The following DAPK2 variants were observed in gnomAD, a reference collection of about 807,000 sequenced individuals.
The protein encoded by DAPK2 is death associated protein kinase 2.
In DAPK2, 35 loss-of-function variants were observed where a neutral mutation model predicts 44.1. The ratio of observed to expected loss-of-function variants is 0.79; its 90% CI spans 0.61 to 1.05. The LOEUF (loss-of-function observed/expected upper bound fraction) is 1.05, where lower values mean the gene tolerates loss of function less well. Ranked by LOEUF, DAPK2 falls within the 50% of genes least tolerant of loss-of-function variation. DAPK2 has a pLI of 0.00. For synonymous variants in DAPK2, 174 were observed against 182.6 expected (o/e 0.95, Z 0.38); for missense variants, 453 against 483.2 (o/e 0.94, Z 0.59).
chr15:63,957,880 T>C (rs568154988), intron 3 of DAPK2, among the ~76,000 whole-genome samples: 1 of 152,152 alleles, frequency 6.6e-6, no homozygotes, highest in Admixed American at 6.5e-5. Flanking sequence ...CCAGTAATGG[T>C]ATGGCTGGGT....
At chr15:64,010,738 T>C (rs1163833759) in intron 1 of DAPK2, among the ~76,000 whole-genome samples, 1 of 152,210 alleles carries the variant, frequency 6.6e-6, no homozygotes, top group Non-Finnish European at 1.5e-5. Context: ...TTGGGTTTTA[T>C]CCCATTCATG....
At chr15:63,932,158 C>A (rs1185962028) in intron 4 of DAPK2, among the ~76,000 whole-genome samples, 5 of 113,018 alleles carry the variant, frequency 4.4e-5, no homozygotes, top group South Asian at 3.3e-4. Flanking sequence ...CAGAGTGAGA[C>A]CCTGTTTAAA....
intron 1 of DAPK2, chr15:63,991,430 C>G (rs897870977): frequency 9.5e-6 from 4 of 420,316 alleles, no homozygotes; most frequent in African/African-American, 4.1e-5. Context: ...GTTTCATGAG[C>G]CTGTTTCCCC....
rs190574286 is a variant in DAPK2, at chr15:64,033,239, A to G, written c.92+6931T>C. On this transcript the variant is annotated intron_variant, in intron 1 of 10. Coordinates refer to ENST00000261891, the Ensembl canonical transcript of DAPK2. ...TGAACCACTGCACTCCAGCCTGAGT[A>G]ACAGAGAGACCCCTGGGGAGGGGGA... Among the ~76,000 whole-genome samples, 71 of 125,844 alleles carry G rather than the reference A, an allele frequency of 5.6e-4. No individual in the cohort carries two copies. In the East Asian group the frequency reaches 0.016, roughly 28 times the overall value. The allele number at this position is 125,844 out of a possible 152,430, so 82.6% of individuals were successfully genotyped here.
intron 7 of DAPK2, among the ~76,000 whole-genome samples, chr15:63,925,095 A>T (rs999725078): frequency 6.6e-6 from 1 of 152,176 alleles, no homozygotes; most frequent in African/African-American, 2.4e-5. Context: ...CTACACCCAT[A>T]CTATTAGTCC....
intron 4 of DAPK2, among the ~76,000 whole-genome samples, chr15:63,933,308 A>C (rs1378717736): frequency 6.6e-6 from 1 of 152,160 alleles, no homozygotes; most frequent in Non-Finnish European, 1.5e-5. Context: ...CAATGATGTG[A>C]TCTCGGCTCA....
intron 10 of DAPK2, chr15:63,909,517 T>C (rs2078731075): frequency 6.6e-6 from 1 of 152,208 alleles, no homozygotes; most frequent in Non-Finnish European, 1.5e-5. Flanking sequence ...TGACATTCTT[T>C]TTGGCTGGGC....
rs912290277 is a variant in DAPK2, at chr15:63,991,089, C to T, written c.93-7335G>A. 11 of 375,474 alleles carry T rather than the reference C, an allele frequency of 2.9e-5. No homozygotes were observed. In the Admixed American group the frequency reaches 3.6e-4, roughly 12 times the overall value. The allele number at this position is 375,474 out of a possible 1,614,324, so 23.3% of individuals were successfully genotyped here. On this transcript the variant is annotated intron_variant, in intron 1 of 10. Transcript: ENST00000261891. Reference sequence around the variant, plus strand: ...GCAGAAAACACTTGGGGACACATTCCCCAAGGTCAGAGCAAGCAAGGGACC... The same window carrying T: ...GCAGAAAACACTTGGGGACACATTCTCCAAGGTCAGAGCAAGCAAGGGACC...
intron 2 of DAPK2, among the ~76,000 whole-genome samples, chr15:63,979,006 G>T (rs2078430679): frequency 6.6e-6 from 1 of 152,206 alleles, no homozygotes; most frequent in South Asian, 2.1e-4. Context: ...GCTCAATTCA[G>T]GAACCTGGGA....
chr15:63,993,086 C>T (rs1192683953), intron 1 of DAPK2, among the ~76,000 whole-genome samples: 1 of 152,136 alleles, frequency 6.6e-6, no homozygotes, highest in Non-Finnish European at 1.5e-5. Context: ...ACCTCCCTCC[C>T]CACTTGCCCT....
chr15:63,947,665 G>C (rs1318624158), intron 3 of DAPK2, among the ~76,000 whole-genome samples: 1 of 152,174 alleles, frequency 6.6e-6, no homozygotes, highest in Admixed American at 6.5e-5. Flanking sequence ...GTTACTAGGA[G>C]GATCAAACAA....
intron 3 of DAPK2, among the ~76,000 whole-genome samples, chr15:63,942,477 G>T (rs1207296357): frequency 6.6e-6 from 1 of 151,990 alleles, no homozygotes; most frequent in Admixed American, 6.6e-5. Context: ...ACTTGAACCG[G>T]GGAGGTGGAG....
chr15:63,968,666 C>A (rs1328583583), intron 3 of DAPK2, among the ~76,000 whole-genome samples: 1 of 152,218 alleles, frequency 6.6e-6, no homozygotes, highest in Admixed American at 6.5e-5. Flanking sequence ...CTCTCTAACC[C>A]TTACAGCTCT....
At chr15:63,957,110 A>T (rs2077745637) in intron 3 of DAPK2, among the ~76,000 whole-genome samples, 1 of 152,234 alleles carries the variant, frequency 6.6e-6, no homozygotes, top group Non-Finnish European at 1.5e-5. Flanking sequence ...CCAATGTTGG[A>T]TGCATACATA....
At chr15:64,036,495 C>T (rs2080216810) in intron 1 of DAPK2, among the ~76,000 whole-genome samples, 2 of 151,160 alleles carry the variant, frequency 1.3e-5, no homozygotes. Flanking sequence ...CTTTTGTGCC[C>T]CCTTCCAGTC....
At chr15:63,930,017 T>G (rs1207151736) in intron 5 of DAPK2, among the ~76,000 whole-genome samples, 4 of 152,218 alleles carry the variant, frequency 2.6e-5, no homozygotes, top group African/African-American at 7.2e-5. Flanking sequence ...CCCTGCAGTA[T>G]CCACAGGCCC....
chr15:64,026,306 T>C (rs2141113430), intron 1 of DAPK2, among the ~76,000 whole-genome samples: 1 of 152,254 alleles, frequency 6.6e-6, no homozygotes, highest in East Asian at 1.9e-4. Context: ...TGCAGTGGCA[T>C]GAACTCTGTT....
intron 3 of DAPK2, among the ~76,000 whole-genome samples, chr15:63,946,949 A>G (rs1337706652): frequency 6.6e-6 from 1 of 152,136 alleles, no homozygotes; most frequent in Non-Finnish European, 1.5e-5. Flanking sequence ...GAGGGTGCTC[A>G]GCTCCCTGTC....
intron 8 of DAPK2, chr15:63,918,513 G>C (rs1182920414): frequency 6.6e-6 from 1 of 152,298 alleles, no homozygotes; most frequent in Non-Finnish European, 1.5e-5. Context: ...AAACAGCCCA[G>C]GATGGTGTTT....
Sources: gnomAD v4.1 joint callset for allele counts (sites outside exome capture counted in the v4.1 genomes callset) on GRCh38, gnomAD v4.1.1 for gene constraint, MANE v1.5 for transcripts, NCBI Gene and HGNC (gene_info 2026-07-23, HGNC 2026-07-21) for gene names.